CHST12: variants seen among roughly 807,000 people sequenced by gnomAD.
The protein encoded by CHST12 is carbohydrate (chondroitin 4) sulfotransferase 12.
In CHST12, 23 loss-of-function variants were observed where a neutral mutation model predicts 27.9. The observed-to-expected ratio is 0.82, with a 90% confidence interval of 0.59 to 1.17. CHST12 has a LOEUF of 1.17. Ranked by LOEUF, CHST12 falls within the 50% of genes most tolerant of loss-of-function variation. CHST12 has a pLI of 0.00. For synonymous variants in CHST12, 322 were observed against 273.0 expected (o/e 1.18, Z -1.77); for missense variants, 682 against 603.0 (o/e 1.13, Z -1.37).
chr7:2,417,265 G>C (rs1781835531), intron 1 of CHST12, among the ~76,000 whole-genome samples: 2 of 151,120 alleles, frequency 1.3e-5, no homozygotes, highest in South Asian at 4.2e-4. Context: ...TGCTCTGTTG[G>C]CCAGGCTAGA....
intron 1 of CHST12, among the ~76,000 whole-genome samples, chr7:2,411,236 C>G (rs1191421737): frequency 2.6e-5 from 4 of 151,940 alleles, no homozygotes; most frequent in Admixed American, 2.6e-4. Context: ...GTGTATACTA[C>G]CATACCTGGC....
intron 1 of CHST12, among the ~76,000 whole-genome samples, chr7:2,425,294 A>T (rs538220590): frequency 3.3e-5 from 5 of 152,126 alleles, no homozygotes; most frequent in Non-Finnish European, 7.4e-5. Flanking sequence ...ATGTCGGTCA[A>T]GACAGGTGTG....
At position 2,444,037 on chromosome 7, in the gene CHST12, C is replaced by T. The variant is rs1324970506; in HGVS notation, c.*10153C>T. 6.6e-6 allele frequency: 1 copy of T among 151,964 alleles called. No individual in the cohort carries two copies. Among genetic ancestry groups the T allele is most frequent in the Admixed American group, 6.6e-5 (1 of 15,248 alleles). 9.4% of individuals were successfully genotyped at this position (151,964 alleles called of 1,614,324 possible). ...CGGTGGCTCACGCCTGTAATCCCAG[C>T]ACTTTGGGAGGCCGAGGCGGGCGGA... On this transcript the variant is annotated 3_prime_UTR_variant, in exon 2 of 2. Transcript: ENST00000618655.
intron 1 of CHST12, among the ~76,000 whole-genome samples, chr7:2,417,281 G>A (rs538417947): frequency 4.8e-4 from 72 of 150,160 alleles, no homozygotes; most frequent in African/African-American, 1.8e-3. Context: ...CTAGAGTGCA[G>A]TGGCGTGATC....
At chr7:2,422,736 G>A (rs1268341842) in intron 1 of CHST12, among the ~76,000 whole-genome samples, 4 of 151,424 alleles carry the variant, frequency 2.6e-5, no homozygotes, top group South Asian at 2.1e-4. Context: ...GGGTTTCACC[G>A]TGTTGGCCAG....
chr7:2,416,776 T>C (rs1239947922), intron 1 of CHST12, among the ~76,000 whole-genome samples: 3 of 151,738 alleles, frequency 2.0e-5, no homozygotes, highest in Non-Finnish European at 4.4e-5. Context: ...GGAGGTGGAG[T>C]AGGCAATGAG....
At chr7:2,412,914 C>G (rs957948287) in intron 1 of CHST12, among the ~76,000 whole-genome samples, 8 of 148,186 alleles carry the variant, frequency 5.4e-5, no homozygotes, top group Admixed American at 2.0e-4. Context: ...TTTTTTTTGA[C>G]TTGATAACTG....
chr7:2,428,200 T>C (rs1338460028), intron 1 of CHST12, among the ~76,000 whole-genome samples: 5 of 149,294 alleles, frequency 3.3e-5, no homozygotes, highest in South Asian at 2.1e-4. Flanking sequence ...TCTCTCTCTT[T>C]TTTTTTTTTT....
Position 2,439,754 on chromosome 7 carries a change from C to G in CHST12, c.*5870C>G, listed in dbSNP as rs959530780. On this transcript the variant is annotated 3_prime_UTR_variant, in exon 2 of 2. Transcript: ENST00000618655. Reference sequence around the variant, plus strand: ...ATTAGCCGGGCGTGGTGGTGGGCGCCTGTAGTCCCAGCTACTCGGGAGGCT... The same window carrying G: ...ATTAGCCGGGCGTGGTGGTGGGCGCGTGTAGTCCCAGCTACTCGGGAGGCT... 2 of 151,900 alleles carry G rather than the reference C, an allele frequency of 1.3e-5. No individual in the cohort carries two copies. Among genetic ancestry groups the G allele is most frequent in the Non-Finnish European group, 2.9e-5 (2 of 68,048 alleles). 9.4% of individuals were successfully genotyped at this position (151,900 alleles called of 1,614,324 possible). A position where few individuals can be genotyped will look rare whatever the true frequency, so the allele number is the denominator to read the frequency against.
chr7:2,423,696 G>T (rs1166587963), intron 1 of CHST12, among the ~76,000 whole-genome samples: 1 of 152,132 alleles, frequency 6.6e-6, no homozygotes, highest in African/African-American at 2.4e-5. Flanking sequence ...CCTTTTTTCT[G>T]AGAATCATCC....
At chr7:2,422,496 C>T (rs1022464829) in intron 1 of CHST12, among the ~76,000 whole-genome samples, 2 of 152,052 alleles carry the variant, frequency 1.3e-5, no homozygotes, top group Non-Finnish European at 2.9e-5. Flanking sequence ...CCACCCGCCT[C>T]GGCCTCCCAA....
At chr7:2,423,555 G>T (rs1187661028) in intron 1 of CHST12, among the ~76,000 whole-genome samples, 1 of 152,188 alleles carries the variant, frequency 6.6e-6, no homozygotes, top group Non-Finnish European at 1.5e-5. Flanking sequence ...CGTGATGCTG[G>T]TGCACTACAG....
chr7:2,424,629 AG>A (rs1782060469), intron 1 of CHST12, among the ~76,000 whole-genome samples: 1 of 152,086 alleles, frequency 6.6e-6, no homozygotes. Context: ...ATCTTACTAC[AG>A]TTTTTGGCCC....
Position 2,433,645 on chromosome 7 carries a change from T to A in CHST12, c.1006T>A (p.Tyr336Asn), listed in dbSNP as rs1417325750. ...YRLCHPCQID[Y>N]DFVGKLETLD... ...CCTCTGCCACCCGTGCCAGATCGAC[T>A]ACGACTTCGTGGGGAAGCTGGAGAC... is the stretch of plus-strand genomic sequence containing the variant. The change falls in exon 2 of 2, where the codon TAC (tyrosine) becomes AAC (asparagine). Residue 336 changes from tyrosine (Y) to asparagine (N), a missense_variant. Transcript: ENST00000618655. The surrounding 1 kb of genome is among the most constrained non-coding windows in gnomAD (Gnocchi z 6.1). 1 of 1,613,760 alleles carries A rather than the reference T, an allele frequency of 6.2e-7. No homozygotes were observed. The highest frequency in any genetic ancestry group is 8.5e-7 in the Non-Finnish European group (1 of 1,179,946).
In CHST12 at chr7:2,433,376, A is replaced by C; in HGVS notation, c.737A>C (p.Asp246Ala). 1.2e-6 allele frequency: 2 copies of C among 1,610,246 alleles called. No individual in the cohort carries two copies. Among genetic ancestry groups the C allele is most frequent in the Non-Finnish European group, 1.7e-6 (2 of 1,179,876 alleles). The change falls in exon 2 of 2, where the codon GAC (aspartate) becomes GCC (alanine). Residue 246 changes from aspartate to alanine, a missense_variant. By Grantham distance (126) the Asp-to-Ala change is moderately radical. Coordinates refer to ENST00000618655, the MANE Select transcript of CHST12 (RefSeq NM_018641.5). The surrounding 1 kb of genome is among the most constrained non-coding windows in gnomAD (Gnocchi z 6.1). ...KKYTKFLFVR[D>A]PFVRLISAFR... ...TACACCAAGTTCCTCTTCGTGCGCG[A>C]CCCCTTCGTGCGCCTGATCTCCGCC...
intron 1 of CHST12, among the ~76,000 whole-genome samples, chr7:2,423,059 C>T (rs572805865): frequency 1.3e-5 from 2 of 151,584 alleles, no homozygotes; most frequent in East Asian, 2.0e-4. Context: ...TTGGATCACT[C>T]GAGGCCAGGA....
At chr7:2,406,922 T>G (rs1781541840) in intron 1 of CHST12, among the ~76,000 whole-genome samples, 1 of 151,704 alleles carries the variant, frequency 6.6e-6, no homozygotes, top group Admixed American at 6.6e-5. Context: ...AGGCTGTCAT[T>G]AATGTCCACG....
intron 1 of CHST12, among the ~76,000 whole-genome samples, chr7:2,419,788 G>A (rs986064565): frequency 4.0e-5 from 6 of 151,116 alleles, no homozygotes; most frequent in Non-Finnish European, 4.4e-5. Flanking sequence ...ACATCACTCT[G>A]CAGCAATCAC....
Position 2,433,669 on chromosome 7 carries a change from ACT to A in CHST12, c.1033_1034del (p.Leu345GlyfsTer49). On this transcript the variant is annotated frameshift_variant, in exon 2 of 2. Transcript: ENST00000618655. LOFTEE classifies it high-confidence loss of function. The surrounding 1 kb of genome is among the most constrained non-coding windows in gnomAD (Gnocchi z 6.1). Reference sequence around the variant, plus strand: ...CTACGACTTCGTGGGGAAGCTGGAGACTCTGGACGAGGACGCCGCGCAGCTGC... The same window carrying A: ...CTACGACTTCGTGGGGAAGCTGGAGACTGGACGAGGACGCCGCGCAGCTGC... The part of the protein sequence containing the change: ...IDYDFVGKLE[T>X]LDEDAAQLLQ... The A allele has an allele frequency of 6.2e-7, 1 of 1,612,868 alleles. No individual in the cohort carries two copies. The highest frequency in any genetic ancestry group is 8.5e-7 in the Non-Finnish European group (1 of 1,179,448).
Sources: gnomAD v4.1 joint callset for allele counts (sites outside exome capture counted in the v4.1 genomes callset) on GRCh38, gnomAD v4.1.1 for gene constraint, Gnocchi (gnomAD v3.1) non-coding constraint, MANE v1.5 for transcripts, NCBI Gene and HGNC (gene_info 2026-07-23, HGNC 2026-07-21) for gene names.